The following DIS3L2 variants were observed in gnomAD, a reference collection of about 807,000 sequenced individuals.
The protein encoded by DIS3L2 is DIS3-like exonuclease 2.
A neutral mutation model predicts 97.5 loss-of-function variants in DIS3L2; 34 were observed. The observed-to-expected ratio is 0.35, with a 90% CI of 0.27 to 0.46. The LOEUF (loss-of-function observed/expected upper bound fraction) is 0.46. Among genes scored for constraint, DIS3L2 ranks in the 20% least tolerant of loss-of-function variants. The pLI, the probability that DIS3L2 is intolerant of heterozygous loss-of-function variation, is 1.00. For missense variants in DIS3L2, 1,038 were observed against 1,146.0 expected, an observed-to-expected ratio of 0.91 and a Z score of 1.36; for synonymous variants, 435 against 445.2, an observed-to-expected ratio of 0.98 and a Z score of 0.29.
chr2:232,171,379 T>G (rs1690986248), intron 9 of DIS3L2, among the ~76,000 whole-genome samples: 1 of 152,168 alleles, frequency 6.6e-6, no homozygotes. Flanking sequence ...CCCCTCTAGC[T>G]CTAACAGAGC....
intron 1 of DIS3L2, among the ~76,000 whole-genome samples, chr2:232,009,888 G>T (rs1694148966): frequency 2.0e-5 from 3 of 152,132 alleles, no homozygotes; most frequent in African/African-American, 7.2e-5. Context: ...TGTAATATTG[G>T]CTTTCCCTCC....
intron 5 of DIS3L2, among the ~76,000 whole-genome samples, chr2:232,064,209 G>A (rs1390883908): frequency 6.6e-6 from 1 of 152,072 alleles, no homozygotes; most frequent in African/African-American, 2.4e-5. Flanking sequence ...AAATTCCTTT[G>A]TATCCCTTTT....
At chr2:232,213,275 A>G (rs1249752953) in intron 10 of DIS3L2, among the ~76,000 whole-genome samples, 2 of 152,220 alleles carry the variant, frequency 1.3e-5, no homozygotes, top group African/African-American at 4.8e-5. Context: ...CAGAAATCAC[A>G]GGCCGCTCAG....
chr2:232,086,373 G>GTATATGTA (rs1696618574), intron 5 of DIS3L2, among the ~76,000 whole-genome samples: 1 of 140,830 alleles, frequency 7.1e-6, no homozygotes, highest in Non-Finnish European at 1.6e-5. Context: ...ATATGTATAT[G>GTATATGTA]TATATGTATA....
At chr2:232,294,972 C>T (rs896339355) in intron 13 of DIS3L2, among the ~76,000 whole-genome samples, 7 of 152,118 alleles carry the variant, frequency 4.6e-5, no homozygotes, top group Non-Finnish European at 1.0e-4. Context: ...CTTCCTGTTC[C>T]CCCGTAGGTC....
At chr2:232,332,468 G>A (rs1401366356) in intron 16 of DIS3L2, among the ~76,000 whole-genome samples, 7 of 151,592 alleles carry the variant, frequency 4.6e-5, no homozygotes, top group Non-Finnish European at 1.0e-4. Context: ...ACATACAGGC[G>A]TGACCTTGGA....
chr2:232,299,402 G>A (rs1285481206), intron 13 of DIS3L2, among the ~76,000 whole-genome samples: 1 of 152,158 alleles, frequency 6.6e-6, no homozygotes, highest in Non-Finnish European at 1.5e-5. Flanking sequence ...GTGTGGCCAA[G>A]AAGGTCCTCC....
chr2:232,297,967 G>T (rs1302562760), intron 13 of DIS3L2, among the ~76,000 whole-genome samples: 3 of 152,164 alleles, frequency 2.0e-5, no homozygotes, highest in Non-Finnish European at 4.4e-5. Context: ...AAAGTGCTAG[G>T]ATTATAGGCA....
At chr2:232,285,959 A>T (rs1217209170) in intron 13 of DIS3L2, among the ~76,000 whole-genome samples, 2 of 152,220 alleles carry the variant, frequency 1.3e-5, no homozygotes, top group Non-Finnish European at 2.9e-5. Context: ...ACAGCTAGAG[A>T]CATGTTTCAA....
chr2:232,263,449 G>A lies in DIS3L2; in HGVS notation c.1659+9G>A, dbSNP rs749750342. 10 of 1,613,808 alleles carry A rather than the reference G, an allele frequency of 6.2e-6. No individual in the cohort carries two copies. Among genetic ancestry groups the A allele is most frequent in the Middle Eastern group, 1.6e-4 (1 of 6,082 alleles). On this transcript the variant is annotated intron_variant, in intron 13 of 20. Transcript: ENST00000325385. ...CACTTCGTTTGGATCAGGTCAGTAC[G>A]TGTTTTTTTAGTGTAGCCAACAGAT...
chr2:232,157,545 T>G lies in DIS3L2; in HGVS notation c.951-5914T>G, dbSNP rs139386843. Among the ~76,000 whole-genome samples, 88 of 152,334 alleles carry G rather than the reference T, an allele frequency of 5.8e-4. No individual in the cohort carries two copies. The East Asian group carries it at 0.016, about 27-fold the overall frequency. ...CGATAATAGCTTAAAAGATATTTCG[T>G]AAATCTGAGGATTGTGGTGTTTACA... On this transcript the variant is annotated intron_variant, in intron 8 of 20. Transcript: ENST00000325385.
intron 9 of DIS3L2, among the ~76,000 whole-genome samples, chr2:232,172,432 A>G (rs1691017756): frequency 6.6e-6 from 1 of 152,158 alleles, no homozygotes; most frequent in African/African-American, 2.4e-5. Context: ...ACTTGACATA[A>G]TGTTTTCAAG....
chr2:232,333,756 G>GACTGCTAGC, intron 16 of DIS3L2, 84 bp from the exon 17 acceptor site: 22 of 1,487,162 alleles, frequency 1.5e-5, no homozygotes, highest in Admixed American at 1.1e-4. Context: ...CGCTGCCGAC[G>GACTGCTAGC]GTGAGGCTGT....
At position 232,250,736 on chromosome 2, in the gene DIS3L2, G is replaced by T. The variant is rs71421628; in HGVS notation, c.1425+1390G>T. Among the ~76,000 whole-genome samples the T allele has an allele frequency of 2.6e-5, 4 of 152,266 alleles. No individual in the cohort carries two copies. The East Asian group carries it at 7.7e-4, about 29-fold the overall frequency. On this transcript the variant is annotated intron_variant, in intron 12 of 20. Coordinates refer to ENST00000325385, the MANE Select transcript of DIS3L2 (RefSeq NM_152383.5). The stretch of plus-strand genomic sequence containing the variant: ...CATGCTTGATGGCAGTGACACCTTG[G>T]GGGAGATTGAGTGAATGTTGGCATA...
At chr2:232,080,179 T>C (rs1696346597) in intron 5 of DIS3L2, among the ~76,000 whole-genome samples, 1 of 152,050 alleles carries the variant, frequency 6.6e-6, no homozygotes, top group South Asian at 2.1e-4. Context: ...ATGTGGGGAA[T>C]GAGAGGGAGA....
At chr2:232,033,114 A>G (rs1316533890) in intron 5 of DIS3L2, among the ~76,000 whole-genome samples, 1 of 152,162 alleles carries the variant, frequency 6.6e-6, no homozygotes, top group Non-Finnish European at 1.5e-5. Context: ...CTTCCTATCT[A>G]TGAGCATGGA....
chr2:232,336,060 C>G, intron 20 of DIS3L2, 186 bp downstream of exon 20: 2 of 1,532,830 alleles, frequency 1.3e-6, no homozygotes, highest in Admixed American at 2.0e-5. Flanking sequence ...CTGGCACCAC[C>G]TTCCCTTCCT....
intron 3 of DIS3L2, among the ~76,000 whole-genome samples, chr2:232,021,375 C>T (rs776685164): frequency 6.6e-6 from 1 of 151,706 alleles, no homozygotes; most frequent in Non-Finnish European, 1.5e-5. Flanking sequence ...TTAGTGAAAT[C>T]GAAGAGTTGT....
intron 5 of DIS3L2, among the ~76,000 whole-genome samples, chr2:232,055,078 TAGA>T (rs1213099632): frequency 6.6e-6 from 1 of 152,184 alleles, no homozygotes; most frequent in Non-Finnish European, 1.5e-5. Flanking sequence ...GTACTAGTAA[TAGA>T]AGAAGACTTT....
Sources: gnomAD v4.1 joint callset for allele counts (sites outside exome capture counted in the v4.1 genomes callset) on GRCh38, gnomAD v4.1.1 for gene constraint, MANE v1.5 for transcripts, NCBI Gene and HGNC (gene_info 2026-07-23, HGNC 2026-07-21) for gene names.